The following CNST variants were observed in gnomAD, a reference collection of about 807,000 sequenced individuals.
The protein encoded by CNST is consortin.
CNST carries 39 observed loss-of-function variants against 72.4 expected under a neutral mutation model. That is an observed-to-expected ratio of 0.54 (90% CI 0.42 to 0.70). The LOEUF is 0.70. Ranked by LOEUF, CNST falls within the 30% of genes least tolerant of loss-of-function variation. The probability of loss-of-function intolerance (pLI) is 0.00; values close to 1 mark genes in which losing one functional copy is unlikely to be tolerated. For synonymous variants in CNST, 332 were observed against 320.1 expected (o/e 1.04, Z -0.40); for missense variants, 871 against 868.5 (o/e 1.00, Z -0.04).
rs753079404 is a variant in CNST at position 246,647,331 on chromosome 1, C to T, written c.1130C>T (p.Ser377Phe). Residue 377 changes from serine (S) to phenylalanine (F), a missense_variant, in exon 9 of 11, where the codon TCC becomes TTC. Ser to Phe is a radical substitution (Grantham distance 155). Coordinates refer to ENST00000366513, the MANE Select transcript of CNST (RefSeq NM_152609.3). ...GCCACGTTAGCGCTCCACACCCAGT[C>T]CTCCGAGACAGCAGGGAGCCCGTCT... is the stretch of plus-strand genomic sequence containing the variant. ...AEATLALHTQ[S>F]SETAGSPSGP... The T allele has an allele frequency of 6.2e-7, 1 of 1,614,156 alleles. No homozygotes were observed. Among genetic ancestry groups the T allele is most frequent in the South Asian group, 1.1e-5 (1 of 91,082 alleles).
rs569002004 is a variant in CNST at position 246,634,514 on chromosome 1, C to G, written c.745C>G (p.Leu249Val). 1 of 1,608,544 alleles carries G rather than the reference C, an allele frequency of 6.2e-7. No homozygotes were observed. The highest frequency in any genetic ancestry group is 1.3e-5 in the African/African-American group (1 of 74,704). Residue 249 changes from leucine (L) to valine (V), a missense_variant, in exon 6 of 11, where the codon CTA (leucine) becomes GTA (valine). By Grantham distance (32) the Leu-to-Val change is conservative. Coordinates refer to ENST00000366513, the MANE Select transcript of CNST (RefSeq NM_152609.3). ...TGTGCAACCACATACAGTTACGGCT[C>G]TAAGGAATTCAGAAAAGGGATTTAA... ...KTVQPHTVTA[L>V]RNSEKGFNGE...
At chr1:246,581,932 T>C (rs1052372597) in intron 1 of CNST, among the ~76,000 whole-genome samples, 13 of 152,242 alleles carry the variant, frequency 8.5e-5, no homozygotes, top group African/African-American at 3.1e-4. Flanking sequence ...ATATGTATTA[T>C]ATCTAATTAA....
At chr1:246,588,850 A>C (rs948790106) in intron 1 of CNST, among the ~76,000 whole-genome samples, 2 of 152,176 alleles carry the variant, frequency 1.3e-5, no homozygotes, top group Non-Finnish European at 2.9e-5. Flanking sequence ...CATAAAATGT[A>C]CAGGTGAAAA....
At chr1:246,578,982 A>G (rs1047244147) in intron 1 of CNST, among the ~76,000 whole-genome samples, 1 of 152,226 alleles carries the variant, frequency 6.6e-6, no homozygotes, top group African/African-American at 2.4e-5. Context: ...TGTTGTGAGG[A>G]ATTGTTACTA....
rs1263100920 is a variant in CNST, at chr1:246,613,200, T to C, written c.380-8229T>C. Among the ~76,000 whole-genome samples the C allele has an allele frequency of 4.6e-5, 7 of 152,222 alleles. No homozygotes were observed. In the East Asian group the frequency reaches 1.3e-3, roughly 29 times the overall value. On this transcript the variant is annotated intron_variant, in intron 2 of 10. Coordinates refer to ENST00000366513, the MANE Select transcript of CNST (RefSeq NM_152609.3). ...AGGACTTCATCCCAGGTAGTCTGAC[T>C]TCAGACTTTGTGTCTAATGGTTAAG...
chr1:246,623,761 C>CA (rs1219693891), intron 3 of CNST, among the ~76,000 whole-genome samples: 10 of 140,728 alleles, frequency 7.1e-5, no homozygotes, highest in South Asian at 2.3e-4. Context: ...GACTCTGTCT[C>CA]AAAAAAAAAG....
At chr1:246,584,562 G>A (rs1416171092) in intron 1 of CNST, among the ~76,000 whole-genome samples, 1 of 152,118 alleles carries the variant, frequency 6.6e-6, no homozygotes, top group Non-Finnish European at 1.5e-5. Context: ...AGAAGATTAA[G>A]GTACAGGATT....
chr1:246,583,572 T>C (rs1214687013), intron 1 of CNST, among the ~76,000 whole-genome samples: 1 of 152,226 alleles, frequency 6.6e-6, no homozygotes, highest in Non-Finnish European at 1.5e-5. Context: ...TCTTGCCTCA[T>C]TGTATTTAGT....
At chr1:246,626,451 CTTTTTTTTTTTTT>C (rs74163468) in intron 3 of CNST, among the ~76,000 whole-genome samples, 2 of 79,920 alleles carry the variant, frequency 2.5e-5, no homozygotes, top group African/African-American at 9.6e-5. Context: ...TAGGTTTGTC[CTTTTTTTTTTTTT>C]TTTTTTTTTT....
intron 2 of CNST, chr1:246,608,017 A>C (rs771658505): frequency 6.6e-6 from 1 of 152,024 alleles, no homozygotes. Context: ...GGAGGTGAAC[A>C]TTGCAGTGAG....
chr1:246,616,332 T>G (rs2103069085), intron 2 of CNST, among the ~76,000 whole-genome samples: 1 of 152,148 alleles, frequency 6.6e-6, no homozygotes, highest in Admixed American at 6.5e-5. Context: ...GAGGACCAGT[T>G]GAGGCCAGAA....
chr1:246,656,988 G>T (rs1296987105), intron 9 of CNST, among the ~76,000 whole-genome samples: 1 of 152,094 alleles, frequency 6.6e-6, no homozygotes, highest in Non-Finnish European at 1.5e-5. Flanking sequence ...ATTGCTCTAT[G>T]CCCTAAATCA....
At chr1:246,621,270 A>G (rs1000176466) in intron 2 of CNST, among the ~76,000 whole-genome samples, 159 bp from the exon 3 acceptor site, 12 of 152,188 alleles carry the variant, frequency 7.9e-5, no homozygotes, top group Admixed American at 1.3e-4. Context: ...GAAAGACTCA[A>G]CTTCTTTAGT....
intron 2 of CNST, among the ~76,000 whole-genome samples, chr1:246,610,533 G>A (rs1000824805): frequency 3.3e-5 from 5 of 152,128 alleles, no homozygotes; most frequent in Non-Finnish European, 7.4e-5. Flanking sequence ...GATATGCTTG[G>A]TGATGTCTTT....
Position 246,647,770 on chromosome 1 carries a change from T to A in CNST, c.1569T>A (p.Leu523=). ...AAATATCTGACTTAGGCATACTGCTTCCAGAGGTGTGTATGGCCCCAGAGG... is the reference window on the plus strand; with the variant it reads ...AAATATCTGACTTAGGCATACTGCTACCAGAGGTGTGTATGGCCCCAGAGG... ...NNQISDLGIL[L]PEVCMAPEEK... The change falls in exon 9 of 11, where the codon CTT becomes CTA. Residue 523 remains leucine, a synonymous_variant. Coordinates refer to ENST00000366513, the MANE Select transcript of CNST (RefSeq NM_152609.3). The A allele has an allele frequency of 6.2e-7, 1 of 1,614,124 alleles. No homozygotes were observed. The highest frequency in any genetic ancestry group is 1.1e-5 in the South Asian group (1 of 91,072).
chr1:246,605,381 G>C (rs956317985), intron 2 of CNST, among the ~76,000 whole-genome samples: 1 of 152,194 alleles, frequency 6.6e-6, no homozygotes, highest in Non-Finnish European at 1.5e-5. Context: ...TTAAAGAACA[G>C]CCTGGGCCGG....
At position 246,586,272 on chromosome 1, in the gene CNST, CTT is replaced by C. The variant is rs1427344476; in HGVS notation, c.-51-5238_-51-5237del. Among the ~76,000 whole-genome samples, 41 of 146,300 alleles carry C rather than the reference CTT, an allele frequency of 2.8e-4. No individual in the cohort carries two copies. The East Asian group carries it at 5.9e-3, about 21-fold the overall frequency. On this transcript the variant is annotated intron_variant, in intron 1 of 10. Coordinates refer to ENST00000366513, the MANE Select transcript of CNST (RefSeq NM_152609.3). Reference sequence around the variant, plus strand: ...ATATATTATATATAAAGCTATATATCTTTGATATATTTCTATATATAAGATAC... The same window carrying C: ...ATATATTATATATAAAGCTATATATCTGATATATTTCTATATATAAGATAC...
chr1:246,644,666 T>G (rs1279713022), intron 8 of CNST, among the ~76,000 whole-genome samples: 2 of 152,202 alleles, frequency 1.3e-5, no homozygotes, highest in Non-Finnish European at 2.9e-5. Context: ...TTTAGGTAAC[T>G]GACCCTCAGG....
intron 2 of CNST, among the ~76,000 whole-genome samples, chr1:246,617,167 G>C (rs983827635): frequency 6.6e-6 from 1 of 151,958 alleles, no homozygotes; most frequent in Middle Eastern, 3.2e-3. Flanking sequence ...AAGACATAGA[G>C]GAAAATTTAA....
Sources: allele counts gnomAD v4.1 joint callset (sites outside exome capture counted in the v4.1 genomes callset), GRCh38; gene constraint gnomAD v4.1.1; transcripts MANE v1.5; gene names NCBI Gene and HGNC (gene_info 2026-07-23, HGNC 2026-07-21).